GNAZ: variants seen among roughly 807,000 people sequenced by gnomAD.
GNAZ encodes the protein guanine nucleotide-binding protein G(z) subunit alpha.
Under a neutral mutation model 25.4 loss-of-function variants are expected in GNAZ, and 3 were observed. That is an observed-to-expected ratio of 0.12 (90% confidence interval 0.05 to 0.30). The LOEUF (loss-of-function observed/expected upper bound fraction) is 0.30, where lower values mean the gene tolerates loss of function less well. GNAZ is among the 10% of genes least tolerant of loss of function. GNAZ has a pLI of 1.00. For synonymous variants in GNAZ, 211 were observed against 205.7 expected, an observed-to-expected ratio of 1.03 and a Z score of -0.22; for missense variants, 241 against 501.8, an observed-to-expected ratio of 0.48 and a Z score of 4.97.
chr22:23,074,556 T>C (rs1455989241), intron 1 of GNAZ, among the ~76,000 whole-genome samples: 2 of 152,134 alleles, frequency 1.3e-5, no homozygotes, highest in African/African-American at 4.8e-5. Context: ...GGTGGCAACC[T>C]GGAGCCCCTG....
rs143771822 is a variant in GNAZ, at chr22:23,113,101, C to T, written c.724-9986C>T. On this transcript the variant is annotated intron_variant, in intron 2 of 2. Transcript: ENST00000615612. Reference sequence around the variant, plus strand: ...GCTAGCACCCTGCCCCTGCGGCTGACCCTGGCCAGGAAGACACATGTTAGA... The same window carrying T: ...GCTAGCACCCTGCCCCTGCGGCTGATCCTGGCCAGGAAGACACATGTTAGA... 4.4e-3 allele frequency among the ~76,000 whole-genome samples: 677 copies of T among 152,230 alleles called. 7 individuals carry two copies. The highest frequency in any genetic ancestry group is 0.016 in the African/African-American group (644 of 41,516).
At chr22:23,116,327 G>C (rs2069835287) in intron 2 of GNAZ, among the ~76,000 whole-genome samples, 1 of 152,258 alleles carries the variant, frequency 6.6e-6, no homozygotes, top group African/African-American at 2.4e-5. Flanking sequence ...GTCATGAAGG[G>C]CTGGCCTGTC....
At chr22:23,103,018 G>A (rs1160551277) in intron 2 of GNAZ, among the ~76,000 whole-genome samples, 1 of 152,208 alleles carries the variant, frequency 6.6e-6, no homozygotes, top group Non-Finnish European at 1.5e-5. Flanking sequence ...GAGAGAACAA[G>A]AGAGTTCTCT....
intron 2 of GNAZ, chr22:23,122,739 G>A (rs954062654): frequency 6.7e-6 from 2 of 300,346 alleles, no homozygotes; most frequent in East Asian, 6.2e-5. Flanking sequence ...TGGGAAGATG[G>A]GGGGTCCTCG....
At chr22:23,079,526 G>A (rs1031143110) in intron 1 of GNAZ, among the ~76,000 whole-genome samples, 57 of 152,192 alleles carry the variant, frequency 3.7e-4, no homozygotes, top group Non-Finnish European at 1.6e-4. Flanking sequence ...TGCCCTGGCT[G>A]GACTTTGACT....
intron 1 of GNAZ, among the ~76,000 whole-genome samples, chr22:23,078,325 C>T (rs567809437): frequency 6.6e-6 from 1 of 152,240 alleles, no homozygotes; most frequent in Non-Finnish European, 1.5e-5. Flanking sequence ...TGGGCCAGTG[C>T]CAGGCATTGA....
intron 1 of GNAZ, among the ~76,000 whole-genome samples, chr22:23,078,275 C>T (rs192806497): frequency 6.6e-6 from 1 of 152,260 alleles, no homozygotes; most frequent in African/African-American, 2.4e-5. Flanking sequence ...ATCAAACTCT[C>T]TTTGTCCTCG....
chr22:23,088,760 G>A (rs2068884548), intron 1 of GNAZ, among the ~76,000 whole-genome samples: 1 of 152,238 alleles, frequency 6.6e-6, no homozygotes, highest in Admixed American at 6.5e-5. Flanking sequence ...CAGGGTGTGT[G>A]GTAGGTATCT....
intron 2 of GNAZ, among the ~76,000 whole-genome samples, chr22:23,104,685 T>C (rs2069408356): frequency 6.6e-6 from 1 of 152,180 alleles, no homozygotes; most frequent in Non-Finnish European, 1.5e-5. Flanking sequence ...CCTTGCTGAC[T>C]TGGGGATCCC....
At chr22:23,089,236 C>A (rs2068895077) in intron 1 of GNAZ, among the ~76,000 whole-genome samples, 1 of 152,230 alleles carries the variant, frequency 6.6e-6, no homozygotes, top group Non-Finnish European at 1.5e-5. Context: ...GGCAGTGAGA[C>A]CTTCGGTGAC....
At chr22:23,073,005 T>C (rs534187337) in intron 1 of GNAZ, among the ~76,000 whole-genome samples, 1 of 152,208 alleles carries the variant, frequency 6.6e-6, no homozygotes, top group Non-Finnish European at 1.5e-5. Flanking sequence ...ATGCTGAATA[T>C]AGCAATTCAG....
intron 2 of GNAZ, among the ~76,000 whole-genome samples, chr22:23,105,247 G>A (rs781733624): frequency 1.6e-4 from 24 of 152,236 alleles, no homozygotes; most frequent in Admixed American, 5.2e-4. Flanking sequence ...CCAGAGCCTC[G>A]AAGGCAACTT....
chr22:23,113,578 T>C (rs1205240495), intron 2 of GNAZ, among the ~76,000 whole-genome samples: 1 of 152,232 alleles, frequency 6.6e-6, no homozygotes, highest in East Asian at 1.9e-4. Flanking sequence ...TTGCGACTGA[T>C]ACCATCCTTG....
At chr22:23,121,661 C>A (rs2070027541) in intron 2 of GNAZ, among the ~76,000 whole-genome samples, 1 of 151,690 alleles carries the variant, frequency 6.6e-6, no homozygotes, top group African/African-American at 2.4e-5. Context: ...TCACTACCAG[C>A]TGCAGTTACC....
At chr22:23,118,822 CAAT>C (rs1208524298) in intron 2 of GNAZ, among the ~76,000 whole-genome samples, 1 of 152,240 alleles carries the variant, frequency 6.6e-6, no homozygotes, top group East Asian at 1.9e-4. Context: ...TGCAGCAGGA[CAAT>C]GTTTAACCCT....
chr22:23,097,708 A>G (rs749302790), intron 2 of GNAZ, among the ~76,000 whole-genome samples: 2 of 152,232 alleles, frequency 1.3e-5, no homozygotes, highest in Non-Finnish European at 2.9e-5. Flanking sequence ...GGCAGAGGGG[A>G]CATCTCAGCA....
chr22:23,112,737 G>A (rs531060210), intron 2 of GNAZ, among the ~76,000 whole-genome samples: 2 of 152,300 alleles, frequency 1.3e-5, no homozygotes, highest in African/African-American at 4.8e-5. Context: ...GCAATGGGGA[G>A]CCTGGCCAGG....
intron 1 of GNAZ, among the ~76,000 whole-genome samples, chr22:23,078,797 G>T (rs2068583724): frequency 1.3e-5 from 2 of 152,218 alleles, no homozygotes; most frequent in Admixed American, 6.5e-5. Context: ...ACTTGCAGGG[G>T]TAGCAACAGA....
chr22:23,102,251 C>G (rs1302559776), intron 2 of GNAZ, among the ~76,000 whole-genome samples: 1 of 152,236 alleles, frequency 6.6e-6, no homozygotes, highest in Non-Finnish European at 1.5e-5. Flanking sequence ...CGCCTAGGGT[C>G]CCAGGCTTTA....
Sources: allele counts gnomAD v4.1 joint callset (sites outside exome capture counted in the v4.1 genomes callset), GRCh38; gene constraint gnomAD v4.1.1; transcripts MANE v1.5; gene names NCBI Gene and HGNC (gene_info 2026-07-23, HGNC 2026-07-21).